FOCAD: variants seen among roughly 807,000 people sequenced by gnomAD.
FOCAD encodes the protein focadhesin, also known as KIAA1797.
In FOCAD, 198 loss-of-function variants were observed where a neutral mutation model predicts 225.6. The ratio of observed to expected loss-of-function variants is 0.88; its 90% CI spans 0.78 to 0.99. FOCAD has a LOEUF of 0.99. Ranked by LOEUF, FOCAD falls within the 50% of genes least tolerant of loss-of-function variation. The probability of loss-of-function intolerance (pLI) is 0.00; values close to 1 mark genes in which losing one functional copy is unlikely to be tolerated. For synonymous variants in FOCAD, 897 were observed against 755.0 expected (o/e 1.19, Z -3.08); for missense variants, 2,713 against 2,123.6 (o/e 1.28, Z -5.46).
Position 20,885,164 on chromosome 9 carries a change from A to G in FOCAD, c.2559A>G (p.Pro853=), listed in dbSNP as rs775965203. Residue 853 remains proline (P), a synonymous_variant, in exon 21 of 44, where the codon CCA becomes CCG. Transcript: ENST00000338382. ...TGTATCAGAGTAAAGATGGAAAACC[A>G]TTGAACAGACTGATGGCCAGCAGAG... is the stretch of plus-strand genomic sequence containing the variant. The part of the protein sequence containing the change: ...VSMYQSKDGK[P]LNRLMASRGR... The G allele has an allele frequency of 3.9e-6, 6 of 1,549,606 alleles. No homozygotes were observed. The highest frequency in any genetic ancestry group is 1.3e-5 in the South Asian group (1 of 77,834).
chr9:20,679,496 GACT>G (rs1053978810), upstream of FOCAD, among the ~76,000 whole-genome samples: 2 of 152,104 alleles, frequency 1.3e-5, no homozygotes, highest in African/African-American at 4.8e-5. Flanking sequence ...ACAGGATTCA[GACT>G]ACAGTGTCTT....
chr9:20,721,778 CCTTT>C (rs1352987538), intron 4 of FOCAD, among the ~76,000 whole-genome samples: 18 of 152,024 alleles, frequency 1.2e-4, no homozygotes, highest in Non-Finnish European at 2.1e-4. Context: ...AGCCTTTTAA[CCTTT>C]CTTTATAAAT....
At chr9:20,928,639 G>C (rs1415297771) in intron 26 of FOCAD, among the ~76,000 whole-genome samples, 1 of 152,024 alleles carries the variant, frequency 6.6e-6, no homozygotes, top group Non-Finnish European at 1.5e-5. Context: ...ATTTTATTAG[G>C]GCTGTTATTC....
intron 24 of FOCAD, 144 bp from the exon 25 acceptor site, chr9:20,923,516 A>G (rs780348748): frequency 3.5e-5 from 21 of 599,238 alleles, no homozygotes; most frequent in Non-Finnish European, 5.6e-5. Context: ...TGTTGGCCTA[A>G]CACAACAAAC....
chr9:20,827,390 A>G (rs968793738), intron 15 of FOCAD, among the ~76,000 whole-genome samples: 1 of 151,966 alleles, frequency 6.6e-6, no homozygotes, highest in Non-Finnish European at 1.5e-5. Context: ...ATTTCTTTTT[A>G]TTGTTGAATA....
At chr9:20,683,374 G>C (rs574324234), upstream of FOCAD, 1 of 152,172 alleles carries the variant, frequency 6.6e-6, no homozygotes, top group South Asian at 2.1e-4. Context: ...TATTTTTAGA[G>C]TAATTTGTCT....
chr9:20,759,548 T>C (rs1829377044), intron 6 of FOCAD, among the ~76,000 whole-genome samples: 1 of 152,186 alleles, frequency 6.6e-6, no homozygotes, highest in African/African-American at 2.4e-5. Context: ...TTACACCTTA[T>C]ACAAAACTTA....
At chr9:20,663,129 G>C (rs1769548032) in intron 2 of FOCAD, among the ~76,000 whole-genome samples, 1 of 152,144 alleles carries the variant, frequency 6.6e-6, no homozygotes, top group African/African-American at 2.4e-5. Flanking sequence ...CTTCATGCCT[G>C]TAATCCCAGC....
At chr9:20,922,564 A>G (rs914844545) in intron 24 of FOCAD, among the ~76,000 whole-genome samples, 1 of 152,200 alleles carries the variant, frequency 6.6e-6, no homozygotes. Context: ...AATTGAGACT[A>G]TGGCTTGGGA....
chr9:20,796,140 G>T (rs1018653747), intron 11 of FOCAD, among the ~76,000 whole-genome samples: 2 of 152,098 alleles, frequency 1.3e-5, no homozygotes. Context: ...CAAAGGACAT[G>T]AACTCATAAT....
In FOCAD at chr9:20,752,635, G is replaced by A. The variant is rs888285935; in HGVS notation, c.393-5455G>A. Among the ~76,000 whole-genome samples the A allele has an allele frequency of 8.7e-4, 132 of 151,992 alleles. 1 individual carries two copies. The highest frequency in any genetic ancestry group is 1.8e-3 in the Admixed American group (27 of 15,262). ...TCTTTTGGCTTAGGATTGACTCGGC[G>A]ATGCGGGCTCTATTTTGGTTCCATA... On this transcript the variant is annotated intron_variant, in intron 5 of 43. Transcript: ENST00000338382.
chr9:20,836,450 T>C (rs1453053199), intron 15 of FOCAD, among the ~76,000 whole-genome samples: 1 of 152,098 alleles, frequency 6.6e-6, no homozygotes, highest in Non-Finnish European at 1.5e-5. Flanking sequence ...TAATTTGCTA[T>C]GCATTAGAGA....
intron 30 of FOCAD, among the ~76,000 whole-genome samples, chr9:20,947,537 CA>C (rs987274162): frequency 6.6e-6 from 1 of 152,014 alleles, no homozygotes; most frequent in Non-Finnish European, 1.5e-5. Context: ...TAAAGAGTTT[CA>C]GTTTTTCAAG....
chr9:20,984,397 T>G (rs895408244), intron 39 of FOCAD, among the ~76,000 whole-genome samples: 1 of 152,200 alleles, frequency 6.6e-6, no homozygotes, highest in Non-Finnish European at 1.5e-5. Flanking sequence ...GCCAAAGAGC[T>G]TTTAATTATA....
chr9:20,938,063 TA>T (rs1836184196), intron 28 of FOCAD, among the ~76,000 whole-genome samples: 1 of 151,830 alleles, frequency 6.6e-6, no homozygotes, highest in African/African-American at 2.4e-5. Context: ...TGGCAATCAT[TA>T]AAAAGTCAGG....
At chr9:20,804,186 C>T (rs189496189) in intron 11 of FOCAD, among the ~76,000 whole-genome samples, 1 of 152,042 alleles carries the variant, frequency 6.6e-6, no homozygotes, top group Admixed American at 6.6e-5. Flanking sequence ...TTAGCTTAAG[C>T]TTTCCTTGGT....
intron 9 of FOCAD, among the ~76,000 whole-genome samples, chr9:20,779,950 A>G (rs1819202544): frequency 6.6e-6 from 1 of 151,950 alleles, no homozygotes; most frequent in South Asian, 2.1e-4. Flanking sequence ...GTTCGCTTAT[A>G]CCTTCCCTCC....
At chr9:20,846,188 A>T (rs1827090577) in intron 15 of FOCAD, among the ~76,000 whole-genome samples, 1 of 152,054 alleles carries the variant, frequency 6.6e-6, no homozygotes, top group Non-Finnish European at 1.5e-5. Context: ...CTGTGGCTAC[A>T]CTTAGGTTTC....
chr9:20,805,573 AT>A (rs1369486580), intron 11 of FOCAD, among the ~76,000 whole-genome samples: 1 of 151,666 alleles, frequency 6.6e-6, no homozygotes, highest in East Asian at 1.9e-4. Flanking sequence ...TCCTTCCATT[AT>A]TTGATTTCAG....
Sources: allele counts gnomAD v4.1 joint callset (sites outside exome capture counted in the v4.1 genomes callset), GRCh38; gene constraint gnomAD v4.1.1; transcripts MANE v1.5; gene names NCBI Gene and HGNC (gene_info 2026-07-23, HGNC 2026-07-21).